Variants in RARB observed in about 807,000 individuals in gnomAD.
RARB encodes HBV-activated protein.
In RARB, 17 loss-of-function variants were observed where a neutral mutation model predicts 51.9. That is an observed-to-expected ratio of 0.33 (90% CI 0.22 to 0.49). The LOEUF is 0.49. Ranked by LOEUF, RARB falls within the 20% of genes least tolerant of loss-of-function variation. RARB has a pLI of 0.99. For missense variants in RARB, 369 were observed against 550.8 expected (o/e 0.67, Z 3.30); for synonymous variants, 215 against 195.4 (o/e 1.10, Z -0.84).
chr3:25,355,291 G>T (rs923753359), intron 5 of RARB, among the ~76,000 whole-genome samples: 1 of 152,002 alleles, frequency 6.6e-6, no homozygotes, highest in African/African-American at 2.4e-5. Context: ...AGGTTTGGGC[G>T]TGTTTTTTGT....
At chr3:24,997,290 T>A (rs560530507) in intron 2 of RARB, among the ~76,000 whole-genome samples, 1 of 152,278 alleles carries the variant, frequency 6.6e-6, no homozygotes, top group South Asian at 2.1e-4. Context: ...TAGTCCATTT[T>A]GGTTTCTGTT....
chr3:24,960,238 A>T (rs1427720133), intron 2 of RARB, among the ~76,000 whole-genome samples: 3 of 152,212 alleles, frequency 2.0e-5, no homozygotes, highest in Admixed American at 6.5e-5. Context: ...TGAATATCAG[A>T]TGGTTGCCTT....
chr3:25,053,805 G>C (rs1444067819), intron 2 of RARB, among the ~76,000 whole-genome samples: 1 of 152,170 alleles, frequency 6.6e-6, no homozygotes, highest in Non-Finnish European at 1.5e-5. Context: ...CAAGGTTAGG[G>C]TTTATGAGGA....
chr3:25,588,274 G>T (rs1442534222), intron 5 of RARB, among the ~76,000 whole-genome samples: 2 of 152,252 alleles, frequency 1.3e-5, no homozygotes, highest in Non-Finnish European at 2.9e-5. Context: ...TATTCTGTAT[G>T]ATTCCATTGA....
Position 25,403,180 on chromosome 3 carries a change from G to A in RARB, c.179-58013G>A, listed in dbSNP as rs1001913343. 4.6e-3 allele frequency among the ~76,000 whole-genome samples: 641 copies of A among 139,370 alleles called. 3 individuals are homozygous for A. Among genetic ancestry groups the A allele is most frequent in the African/African-American group, 0.016 (594 of 37,254 alleles). 91.4% of individuals were successfully genotyped at this position (139,370 alleles called of 152,430 possible). The stretch of plus-strand genomic sequence containing the variant: ...CATCTCAAAAAAAAAAAAAAAAAAT[G>A]AGTGAGACCTAGTATTTGATAGCAC... On this transcript the variant is annotated intron_variant, in intron 5 of 11. Transcript: ENST00000383772.
Position 25,391,752 on chromosome 3 carries a change from G to A in RARB, c.179-69441G>A, listed in dbSNP as rs137905824. Among the ~76,000 whole-genome samples, 79 of 151,818 alleles carry A rather than the reference G, an allele frequency of 5.2e-4. No homozygotes were observed. The East Asian group carries it at 0.011, about 22-fold the overall frequency. On this transcript the variant is annotated intron_variant, in intron 5 of 11. Coordinates refer to the RARB transcript ENST00000383772. ...TTGATGGGATTGTCTGTTTTTTCTC[G>A]CTGATTTGTTTGAGTTCTTTGTAGA... is the stretch of plus-strand genomic sequence containing the variant.
At chr3:25,128,090 G>C (rs1347094374) in intron 3 of RARB, among the ~76,000 whole-genome samples, 1 of 152,056 alleles carries the variant, frequency 6.6e-6, no homozygotes, top group Non-Finnish European at 1.5e-5. Flanking sequence ...GAAGAATAAA[G>C]TACTCTGGTT....
intron 3 of RARB, among the ~76,000 whole-genome samples, chr3:25,130,692 T>C (rs1299962228): frequency 2.6e-5 from 4 of 151,876 alleles, no homozygotes; most frequent in Non-Finnish European, 5.9e-5. Context: ...TGTGTCACTT[T>C]TTATAGTTAC....
At chr3:25,294,201 G>A (rs576567867) in intron 5 of RARB, among the ~76,000 whole-genome samples, 8 of 152,276 alleles carry the variant, frequency 5.3e-5, no homozygotes, top group Non-Finnish European at 1.2e-4. Context: ...AACACCATAT[G>A]TTGATTATGT....
intron 2 of RARB, among the ~76,000 whole-genome samples, chr3:24,918,874 A>G (rs1349158441): frequency 6.6e-6 from 1 of 152,200 alleles, no homozygotes; most frequent in East Asian, 1.9e-4. Context: ...TGGGTGACAG[A>G]GCGAGAGTCT....
At position 25,362,814 on chromosome 3, in the gene RARB, C is replaced by A. The variant is rs548363247; in HGVS notation, c.179-98379C>A. ...TCATGGGCTACACCCACTGTCTAAC[C>A]AGTCCCAGTGAGATGAACCAGGTAC... On this transcript the variant is annotated intron_variant, in intron 5 of 11. Transcript: ENST00000383772. 4.6e-5 allele frequency among the ~76,000 whole-genome samples: 7 copies of A among 152,280 alleles called. No homozygotes were observed. The South Asian group carries it at 1.4e-3, about 32-fold the overall frequency.
intron 5 of RARB, among the ~76,000 whole-genome samples, chr3:25,253,052 G>A (rs1263276344): frequency 6.6e-6 from 1 of 152,138 alleles, no homozygotes. Context: ...ATAGGCACTA[G>A]GATTCACAAA....
chr3:24,851,519 A>C (rs953311967), intron 1 of RARB, among the ~76,000 whole-genome samples: 1 of 152,060 alleles, frequency 6.6e-6, no homozygotes, highest in Non-Finnish European at 1.5e-5. Context: ...TTTGGCTGCC[A>C]TTCTGCCAAC....
At chr3:25,274,952 G>A (rs541700524) in intron 5 of RARB, among the ~76,000 whole-genome samples, 15 of 152,166 alleles carry the variant, frequency 9.9e-5, no homozygotes, top group Non-Finnish European at 1.6e-4. Context: ...GAAGGAAATG[G>A]TGTGAGCCAG....
At chr3:25,205,166 A>T (rs1235203128) in intron 5 of RARB, among the ~76,000 whole-genome samples, 1 of 151,982 alleles carries the variant, frequency 6.6e-6, no homozygotes, top group African/African-American at 2.4e-5. Context: ...TTGCAGTTTG[A>T]TCTCAGACTG....
At chr3:25,188,202 T>A (rs904424806) in intron 5 of RARB, among the ~76,000 whole-genome samples, 1 of 152,118 alleles carries the variant, frequency 6.6e-6, no homozygotes, top group Non-Finnish European at 1.5e-5. Context: ...CAGGGAATCA[T>A]CCCTGATGTT....
At position 25,419,940 on chromosome 3, in the gene RARB, G is replaced by GCAAAAAAAAAAAA. The variant is rs1391532900; in HGVS notation, c.179-41253_179-41252insCAAAAAAAAAAAA. On this transcript the variant is annotated intron_variant, in intron 5 of 11. Coordinates refer to the RARB transcript ENST00000383772. The stretch of plus-strand genomic sequence containing the variant: ...AACAAAATGCAAAAAACTAATTTTG[G>GCAAAAAAAAAAAA]AAGCCACCATGATATCTTCTCTAAG... Among the ~76,000 whole-genome samples, 4 of 152,086 alleles carry GCAAAAAAAAAAAA rather than the reference G, an allele frequency of 2.6e-5. 1 individual carries two copies. Among genetic ancestry groups the GCAAAAAAAAAAAA allele is most frequent in the African/African-American group, 9.7e-5 (4 of 41,442 alleles).
At position 25,330,347 on chromosome 3, in the gene RARB, G is replaced by A. The variant is rs560915513; in HGVS notation, c.179-130846G>A. On this transcript the variant is annotated intron_variant, in intron 5 of 11. Coordinates refer to the RARB transcript ENST00000383772. ...GACACTCTGCAAGCCAGAAGAGAGT[G>A]GGGGCCAATATTCAACATTCTTAAA... 2.5e-3 allele frequency among the ~76,000 whole-genome samples: 382 copies of A among 152,322 alleles called. 3 individuals are homozygous for A. Among genetic ancestry groups the A allele is most frequent in the African/African-American group, 7.8e-3 (323 of 41,574 alleles).
intron 2 of RARB, among the ~76,000 whole-genome samples, chr3:24,931,549 G>A (rs967683345): frequency 2.0e-5 from 3 of 151,900 alleles, no homozygotes; most frequent in Non-Finnish European, 4.4e-5. Context: ...AATGTCACCT[G>A]GTAAAGTCTA....
Sources: allele counts gnomAD v4.1 joint callset (sites outside exome capture counted in the v4.1 genomes callset), GRCh38; gene constraint gnomAD v4.1.1; transcripts MANE v1.5; gene names NCBI Gene and HGNC (gene_info 2026-07-23, HGNC 2026-07-21).